The following HOXB6 variants were observed in gnomAD, a reference collection of about 807,000 sequenced individuals.
HOXB6 encodes homeobox B6, also known as homeobox protein Hox-B6.
A neutral mutation model predicts 24.2 loss-of-function variants in HOXB6; 18 were observed. That is an observed-to-expected ratio of 0.74 (90% CI 0.51 to 1.10). HOXB6 has a LOEUF of 1.10. Ranked by LOEUF, HOXB6 falls within the 50% of genes least tolerant of loss-of-function variation. The pLI, the probability that HOXB6 is intolerant of heterozygous loss-of-function variation, is 0.00. For missense variants in HOXB6, 332 were observed against 308.3 expected (o/e 1.08, Z -0.58); for synonymous variants, 159 against 139.1 (o/e 1.14, Z -1.01).
At chr17:48,597,705 C>T in intron 3 of HOXB6, 31 bp downstream of exon 3, 2 of 1,607,202 alleles carry the variant, frequency 1.2e-6, no homozygotes, top group Non-Finnish European at 1.7e-6. Context: ...CCAGGGGAGC[C>T]GGGGCGACGG....
chr17:48,598,327 C>T, intron 2 of HOXB6, 99 bp from the exon 3 acceptor site: 1 of 618,620 alleles, frequency 1.6e-6, no homozygotes, highest in Non-Finnish European at 2.7e-6. Context: ...CCAACACTGA[C>T]CAATGGCAGA....
In HOXB6 at chr17:48,596,801, G is replaced by T; in HGVS notation, c.416-129C>A. 7.0e-7 allele frequency: 1 copy of T among 1,421,552 alleles called. No individual in the cohort carries two copies. The highest frequency in any genetic ancestry group is 9.6e-7 in the Non-Finnish European group (1 of 1,040,804). The allele number at this position is 1,421,552 out of a possible 1,614,324, so 88.1% of individuals were successfully genotyped here. ...TCTATTCTGCCGGCTCCCTTCCCCCGTTTCGCACTCCTCCAGCGCCCCCTC... is the reference window on the plus strand; with the variant it reads ...TCTATTCTGCCGGCTCCCTTCCCCCTTTTCGCACTCCTCCAGCGCCCCCTC... On this transcript the variant is annotated intron_variant, in intron 3 of 3. Transcript: ENST00000225648. This position sits in a 1 kb window ranked among gnomAD's most constrained non-coding sequence, Gnocchi z 4.8.
chr17:48,600,445 A>T (rs944378436), intron 2 of HOXB6: 5 of 455,830 alleles, frequency 1.1e-5, no homozygotes, highest in Non-Finnish European at 2.2e-5. Context: ...TCACCTCTGC[A>T]GGTTGCTTGT....
At chr17:48,603,940 C>G (rs2070525893) in intron 2 of HOXB6, 1 of 152,724 alleles carries the variant, frequency 6.5e-6, no homozygotes, top group Non-Finnish European at 1.5e-5. Context: ...TTTCCTCTCC[C>G]TCGCCGGCCT....
intron 2 of HOXB6, chr17:48,602,186 C>T: frequency 2.2e-6 from 1 of 456,122 alleles, no homozygotes; most frequent in South Asian, 1.5e-5. Context: ...ACCCACCAAC[C>T]AAGGAGCTGG....
intron 2 of HOXB6, chr17:48,602,578 G>A (rs1253014325): frequency 4.3e-6 from 1 of 230,724 alleles, no homozygotes; most frequent in African/African-American, 2.3e-5. Context: ...ATGGGTGGAG[G>A]AGAGACTTCT....
chr17:48,603,878 G>A (rs2070524609), intron 2 of HOXB6: 1 of 152,654 alleles, frequency 6.6e-6, no homozygotes, highest in African/African-American at 2.4e-5. Flanking sequence ...GTCTCCGAAG[G>A]GAGATAGTAA....
chr17:48,597,527 C>A (rs907086622), intron 3 of HOXB6, among the ~76,000 whole-genome samples: 2 of 152,168 alleles, frequency 1.3e-5, no homozygotes, highest in Admixed American at 6.5e-5. Flanking sequence ...GCTCCCAGTG[C>A]GGCTGGGACT....
chr17:48,597,012 A>T, intron 3 of HOXB6: 1 of 537,822 alleles, frequency 1.9e-6, no homozygotes, highest in African/African-American at 4.1e-5. Flanking sequence ...TCATCCCCCC[A>T]ACCCAATGAT....
At position 48,598,064 on chromosome 17, in the gene HOXB6, C is replaced by A; in HGVS notation, c.87G>T (p.Ser29=). The change falls in exon 3 of 4, where the codon TCG becomes TCT. Residue 29 remains serine (S), a synonymous_variant. Transcript: ENST00000225648. ...ESFLGQLPLY[S]SGYADPLRHY... ...GTCTCAGCGGGTCCGCATAGCCCGACGAATAGAGCGGTAGCTGGCCCAGGA... is the reference window on the plus strand; with the variant it reads ...GTCTCAGCGGGTCCGCATAGCCCGAAGAATAGAGCGGTAGCTGGCCCAGGA... 1 of 1,604,188 alleles carries A rather than the reference C, an allele frequency of 6.2e-7. No homozygotes were observed. The highest frequency in any genetic ancestry group is 1.3e-5 in the African/African-American group (1 of 74,898).
Position 48,596,251 on chromosome 17 carries a change from T to A in HOXB6, c.*162A>T. On this transcript the variant is annotated 3_prime_UTR_variant, in exon 4 of 4. Transcript: ENST00000225648. This position sits in a 1 kb window ranked among gnomAD's most constrained non-coding sequence, Gnocchi z 4.8. The stretch of plus-strand genomic sequence containing the variant: ...GCCTCAGAGCACCCGCCGGGAGCTG[T>A]GCGGGCGGGGGCGTCCAGGAGAGCG... The A allele has an allele frequency of 9.1e-7, 1 of 1,097,822 alleles. No homozygotes were observed. The highest frequency in any genetic ancestry group is 1.4e-6 in the Non-Finnish European group (1 of 724,768). The allele number at this position is 1,097,822 out of a possible 1,614,324, so 68.0% of individuals were successfully genotyped here. A position where few individuals can be genotyped will look rare whatever the true frequency, so the allele number is the denominator to read the frequency against.
intron 3 of HOXB6, chr17:48,597,007 C>T (rs2070318322): frequency 1.7e-6 from 2 of 1,199,374 alleles, no homozygotes; most frequent in Non-Finnish European, 2.1e-6. Context: ...CCCCGTCATC[C>T]CCCCAACCCA....
At chr17:48,597,567 G>C (rs926285455) in intron 3 of HOXB6, among the ~76,000 whole-genome samples, 169 bp downstream of exon 3, 4 of 152,106 alleles carry the variant, frequency 2.6e-5, no homozygotes, top group Non-Finnish European at 5.9e-5. Flanking sequence ...TGCCTAATAG[G>C]GGACACAGCG....
rs1032015745 is a variant in HOXB6, at chr17:48,597,591, C to T, written c.415+145G>A. 7 of 867,518 alleles carry T rather than the reference C, an allele frequency of 8.1e-6. No individual in the cohort carries two copies. In the Admixed American group the frequency reaches 8.7e-5, roughly 11 times the overall value. The allele number at this position is 867,518 out of a possible 1,614,324, so 53.7% of individuals were successfully genotyped here. On this transcript the variant is annotated intron_variant, in intron 3 of 3. Coordinates refer to ENST00000225648, the MANE Select transcript of HOXB6 (RefSeq NM_018952.5). The stretch of plus-strand genomic sequence containing the variant: ...GGGGACACAGCGAGAGACCCCCGGC[C>T]GGCGCCCAATCTTCTTCTATCTCCT...
chr17:48,598,511 C>G (rs1268606858), intron 2 of HOXB6, among the ~76,000 whole-genome samples: 1 of 152,192 alleles, frequency 6.6e-6, no homozygotes, highest in Non-Finnish European at 1.5e-5. Context: ...AGGCTCAGTG[C>G]CTTTGAGGGA....
intron 2 of HOXB6, among the ~76,000 whole-genome samples, chr17:48,600,845 C>T (rs575300098): frequency 6.6e-6 from 1 of 152,292 alleles, no homozygotes; most frequent in African/African-American, 2.4e-5. Flanking sequence ...ACCCCACAGG[C>T]AGGATTTATA....
rs764432432 is a variant in HOXB6, at chr17:48,596,240, G to T, written c.*173C>A. 3.0e-6 allele frequency: 3 copies of T among 1,001,314 alleles called. No individual in the cohort carries two copies. The highest frequency in any genetic ancestry group is 4.7e-6 in the Non-Finnish European group (3 of 641,816). The allele number at this position is 1,001,314 out of a possible 1,614,324, so 62.0% of individuals were successfully genotyped here. On this transcript the variant is annotated 3_prime_UTR_variant, in exon 4 of 4. Transcript: ENST00000225648. The surrounding 1 kb of genome is among the most constrained non-coding windows in gnomAD (Gnocchi z 4.8). ...CGAGTAGTGAGGCCTCAGAGCACCC[G>T]CCGGGAGCTGTGCGGGCGGGGGCGT... is the stretch of plus-strand genomic sequence containing the variant.
Position 48,595,865 on chromosome 17 carries a change from A to G in HOXB6, c.*548T>C, listed in dbSNP as rs1286757995. 1.3e-5 allele frequency: 4 copies of G among 302,906 alleles called. No homozygotes were observed. Among genetic ancestry groups the G allele is most frequent in the South Asian group, 2.9e-5 (1 of 34,726 alleles). 18.8% of individuals were successfully genotyped at this position (302,906 alleles called of 1,614,324 possible). Reference sequence around the variant, plus strand: ...TCACGTCCAGAGCTAAGACAAGACTACAAACACAACACATAGAAAATTAAT... The same window carrying G: ...TCACGTCCAGAGCTAAGACAAGACTGCAAACACAACACATAGAAAATTAAT... On this transcript the variant is annotated 3_prime_UTR_variant, in exon 4 of 4. Transcript: ENST00000225648.
rs886686470 is a variant in HOXB6 at position 48,604,943 on chromosome 17, G to A, written c.-296C>T. 6 of 152,546 alleles carry A rather than the reference G, an allele frequency of 3.9e-5. No homozygotes were observed. Among genetic ancestry groups the A allele is most frequent in the Non-Finnish European group, 8.8e-5 (6 of 68,042 alleles). 9.4% of individuals were successfully genotyped at this position (152,546 alleles called of 1,614,324 possible). ...AATATCAAGAGGCTGGAGCCCTGAA[G>A]GACGACAGTGCTCCGACCTAGGTGT... is the stretch of plus-strand genomic sequence containing the variant. On this transcript the variant is annotated 5_prime_UTR_variant, in exon 1 of 4. Coordinates refer to ENST00000225648, the MANE Select transcript of HOXB6 (RefSeq NM_018952.5).
Sources: gnomAD v4.1 joint callset for allele counts (sites outside exome capture counted in the v4.1 genomes callset) on GRCh38, gnomAD v4.1.1 for gene constraint, Gnocchi (gnomAD v3.1) non-coding constraint, MANE v1.5 for transcripts, NCBI Gene and HGNC (gene_info 2026-07-23, HGNC 2026-07-21) for gene names.